The following NMNAT3 variants were observed in gnomAD, a reference collection of about 807,000 sequenced individuals.
The protein encoded by NMNAT3 is nicotinamide/nicotinic acid mononucleotide adenylyltransferase 3.
In NMNAT3, 21 loss-of-function variants were observed where a neutral mutation model predicts 24.8. The observed-to-expected ratio is 0.85, with a 90% CI of 0.60 to 1.22. The LOEUF is 1.22. NMNAT3 is among the 50% of genes most tolerant of loss of function. The pLI, the probability that NMNAT3 is intolerant of heterozygous loss-of-function variation, is 0.00. For synonymous variants in NMNAT3, 136 were observed against 155.2 expected (o/e 0.88, Z 0.92); for missense variants, 387 against 436.6 (o/e 0.89, Z 1.01).
At chr3:139,671,617 C>G (rs1024634972) in intron 1 of NMNAT3, among the ~76,000 whole-genome samples, 1 of 142,450 alleles carries the variant, frequency 7.0e-6, no homozygotes, top group Non-Finnish European at 1.5e-5. Context: ...CTCTCTCTCT[C>G]TCACACACAC....
chr3:139,619,054 A>G (rs1465814955), intron 3 of NMNAT3, among the ~76,000 whole-genome samples: 3 of 152,164 alleles, frequency 2.0e-5, no homozygotes, highest in African/African-American at 7.2e-5. Context: ...AACCTCCTCC[A>G]GGGAATTTTC....
At chr3:139,617,131 C>T (rs1216820870) in intron 3 of NMNAT3, among the ~76,000 whole-genome samples, 1 of 152,188 alleles carries the variant, frequency 6.6e-6, no homozygotes, top group East Asian at 1.9e-4. Context: ...TCTGGACCCT[C>T]TGTCTGCATT....
intron 1 of NMNAT3, among the ~76,000 whole-genome samples, chr3:139,668,232 T>G (rs2057648221): frequency 6.6e-6 from 1 of 152,208 alleles, no homozygotes; most frequent in Non-Finnish European, 1.5e-5. Flanking sequence ...AGGTGTCACA[T>G]GTTGCACTGA....
At chr3:139,662,251 G>A (rs886768950) in intron 1 of NMNAT3, among the ~76,000 whole-genome samples, 1 of 152,128 alleles carries the variant, frequency 6.6e-6, no homozygotes, top group African/African-American at 2.4e-5. Flanking sequence ...TTGTCTAAGA[G>A]GCTGGATCTG....
At chr3:139,672,268 A>G (rs996817684) in intron 1 of NMNAT3, among the ~76,000 whole-genome samples, 5 of 152,142 alleles carry the variant, frequency 3.3e-5, no homozygotes, top group African/African-American at 1.2e-4. Context: ...CTTCATTTTT[A>G]TAAGAGAAAG....
chr3:139,650,789 A>T (rs2108387515), intron 1 of NMNAT3, among the ~76,000 whole-genome samples: 1 of 152,340 alleles, frequency 6.6e-6, no homozygotes, highest in East Asian at 1.9e-4. Context: ...TCTAAAGCTG[A>T]AAAGGACCTG....
At chr3:139,654,441 C>G (rs1398208537) in intron 1 of NMNAT3, among the ~76,000 whole-genome samples, 1 of 152,234 alleles carries the variant, frequency 6.6e-6, no homozygotes, top group Non-Finnish European at 1.5e-5. Flanking sequence ...ACAACTGATT[C>G]ATTAATGAAA....
intron 1 of NMNAT3, among the ~76,000 whole-genome samples, chr3:139,639,037 G>A (rs1481476181): frequency 6.6e-6 from 1 of 152,136 alleles, no homozygotes; most frequent in Non-Finnish European, 1.5e-5. Context: ...CTACAAAGCT[G>A]TCAATGCCTA....
At chr3:139,584,059 C>G (rs1295151148) in intron 3 of NMNAT3, 1 of 157,642 alleles carries the variant, frequency 6.3e-6, no homozygotes, top group South Asian at 2.0e-4. Context: ...TTAGTTTTCT[C>G]TACTGAAGCT....
intron 3 of NMNAT3, among the ~76,000 whole-genome samples, chr3:139,616,598 T>C (rs1576656229): frequency 6.6e-6 from 1 of 152,182 alleles, no homozygotes; most frequent in South Asian, 2.1e-4. Context: ...CAGGACTCTC[T>C]CTTTCTAGTG....
chr3:139,581,914 G>T (rs1474847268), intron 4 of NMNAT3, among the ~76,000 whole-genome samples: 1 of 151,970 alleles, frequency 6.6e-6, no homozygotes, highest in Non-Finnish European at 1.5e-5. Context: ...TGTAAGGCAG[G>T]CTGGGTGCGG....
chr3:139,655,248 T>G (rs1299574317), intron 1 of NMNAT3, among the ~76,000 whole-genome samples: 1 of 152,150 alleles, frequency 6.6e-6, no homozygotes, highest in Non-Finnish European at 1.5e-5. Context: ...GTTGACAAGG[T>G]CAAACTTGAT....
intron 1 of NMNAT3, among the ~76,000 whole-genome samples, chr3:139,642,804 C>A (rs1010200154): frequency 6.6e-6 from 1 of 152,126 alleles, no homozygotes; most frequent in African/African-American, 2.4e-5. Context: ...GCTTTTCCTG[C>A]ATTAGTGCTG....
intron 3 of NMNAT3, among the ~76,000 whole-genome samples, chr3:139,611,958 G>A (rs532266167): frequency 1.8e-4 from 28 of 152,220 alleles, no homozygotes; most frequent in African/African-American, 6.7e-4. Flanking sequence ...ACCGGAGGTC[G>A]GGAGTTCGAG....
At chr3:139,592,126 G>C (rs1221931925) in intron 3 of NMNAT3, among the ~76,000 whole-genome samples, 1 of 152,172 alleles carries the variant, frequency 6.6e-6, no homozygotes, top group African/African-American at 2.4e-5. Context: ...GTGCTTAAAG[G>C]AGCTGATGGA....
chr3:139,587,268 G>A (rs1318507680), intron 3 of NMNAT3, among the ~76,000 whole-genome samples: 1 of 152,194 alleles, frequency 6.6e-6, no homozygotes, highest in African/African-American at 2.4e-5. Context: ...GTCAGCAGGT[G>A]CCTGGGCTAC....
rs775689705 is a variant in NMNAT3, at chr3:139,627,655, G to A, written c.70C>T (p.Arg24Cys). 1.3e-4 allele frequency: 213 copies of A among 1,595,000 alleles called. No homozygotes were observed. Among genetic ancestry groups the A allele is most frequent in the South Asian group, 3.8e-4 (34 of 90,578 alleles). Reference sequence around the variant, plus strand: ...TGATCTCTGGCCACCTCAAACATGCGCAGGTGCATGTTGGTGATGGGGTTA... The same window carrying A: ...TGATCTCTGGCCACCTCAAACATGCACAGGTGCATGTTGGTGATGGGGTTA... Residue 24 changes from arginine (R) to cysteine (C), a missense_variant, in exon 3 of 7, where the codon CGC (arginine) becomes TGC (cysteine). Around this residue, in one of 3 missense-constraint regions of NMNAT3, gnomAD observed 51 missense variants for 55.6 expected, o/e 0.92. Transcript: ENST00000643695.
chr3:139,569,628 C>T (rs566180783), intron 6 of NMNAT3: 1 of 152,144 alleles, frequency 6.6e-6, no homozygotes, highest in Non-Finnish European at 1.5e-5. Flanking sequence ...ATATGAAATT[C>T]TGGGTTGAAA....
At chr3:139,592,478 G>A (rs1349033687) in intron 3 of NMNAT3, among the ~76,000 whole-genome samples, 1 of 152,180 alleles carries the variant, frequency 6.6e-6, no homozygotes, top group Non-Finnish European at 1.5e-5. Context: ...ACTCCACAAA[G>A]ATACTCCTCG....
Sources: gnomAD v4.1 joint callset for allele counts (sites outside exome capture counted in the v4.1 genomes callset) on GRCh38, gnomAD v4.1.1 for gene constraint, gnomAD v4.1.1 regional missense constraint, MANE v1.5 for transcripts, NCBI Gene and HGNC (gene_info 2026-07-23, HGNC 2026-07-21) for gene names.